LARP1: variants seen among roughly 807,000 people sequenced by gnomAD.
LARP1 encodes the protein La ribonucleoprotein 1, translational regulator.
A neutral mutation model predicts 122.7 loss-of-function variants in LARP1; 36 were observed. The observed-to-expected ratio is 0.29, with a 90% CI of 0.22 to 0.39. The LOEUF (loss-of-function observed/expected upper bound fraction) is 0.39, where lower values mean the gene tolerates loss of function less well. Among genes scored for constraint, LARP1 ranks in the 10% least tolerant of loss-of-function variants. The pLI, the probability that LARP1 is intolerant of heterozygous loss-of-function variation, is 1.00. For missense variants in LARP1, 1,040 were observed against 1,403.6 expected (o/e 0.74, Z 4.14); for synonymous variants, 539 against 528.7 (o/e 1.02, Z -0.27).
intron 1 of LARP1, among the ~76,000 whole-genome samples, chr5:154,715,671 T>C (rs17116390): frequency 0.089 from 13,615 of 152,172 alleles, 800 homozygotes; most frequent in East Asian, 0.25. Context: ...TGTGTGCGAA[T>C]ATTTTTTGAG....
chr5:154,775,743 C>G (rs1755825623), intron 1 of LARP1, among the ~76,000 whole-genome samples: 3 of 152,142 alleles, frequency 2.0e-5, no homozygotes, highest in Admixed American at 2.0e-4. Context: ...GATCTGGAGC[C>G]TTTTGGGGAC....
At chr5:154,777,404 C>T (rs1561592541) in intron 1 of LARP1, among the ~76,000 whole-genome samples, 1 of 151,884 alleles carries the variant, frequency 6.6e-6, no homozygotes, top group Non-Finnish European at 1.5e-5. Flanking sequence ...ACCTGTAATC[C>T]CAGCTACTGG....
intron 1 of LARP1, among the ~76,000 whole-genome samples, chr5:154,760,535 T>TGGG (rs1333986654): frequency 3.9e-5 from 6 of 152,154 alleles, no homozygotes; most frequent in Non-Finnish European, 5.9e-5. Context: ...GTCGATGGCT[T>TGGG]GGGGGTGTAT....
At chr5:154,754,826 G>A (rs1448955336), upstream of LARP1, among the ~76,000 whole-genome samples, 1 of 152,230 alleles carries the variant, frequency 6.6e-6, no homozygotes, top group African/African-American at 2.4e-5. Flanking sequence ...GCCGGGCACA[G>A]GGGAGGGGGC....
At chr5:154,727,385 G>A (rs1179497999) in intron 1 of LARP1, among the ~76,000 whole-genome samples, 1 of 152,172 alleles carries the variant, frequency 6.6e-6, no homozygotes, top group Admixed American at 6.5e-5. Context: ...CAGAAATAAT[G>A]AAAGCCAGAA....
intron 1 of LARP1, among the ~76,000 whole-genome samples, chr5:154,736,601 T>A (rs1159968317): frequency 6.6e-6 from 1 of 150,780 alleles, no homozygotes; most frequent in Non-Finnish European, 1.5e-5. Flanking sequence ...AGTCTCACTC[T>A]GTTGCCCAAG....
chr5:154,710,205 G>A (rs150447564), upstream of LARP1, among the ~76,000 whole-genome samples: 406 of 152,272 alleles, frequency 2.7e-3, 3 homozygotes, highest in African/African-American at 8.7e-3. Flanking sequence ...CATGGCCTGC[G>A]AGTTGGGGAC....
chr5:154,804,912 T>A (rs573056508), intron 14 of LARP1: 176 of 456,234 alleles, frequency 3.9e-4, no homozygotes, highest in Non-Finnish European at 7.1e-4. Flanking sequence ...ATACAATTGA[T>A]CTTTGAACAA....
rs1347793223 is a variant in LARP1, at chr5:154,816,850, AG to A, written c.*2758del. 1 of 152,236 alleles carries A rather than the reference AG, an allele frequency of 6.6e-6. No homozygotes were observed. Among genetic ancestry groups the A allele is most frequent in the African/African-American group, 2.4e-5 (1 of 41,460 alleles). 9.4% of individuals were successfully genotyped at this position (152,236 alleles called of 1,614,324 possible). A position where few individuals can be genotyped will look rare whatever the true frequency, so the allele number is the denominator to read the frequency against. On this transcript the variant is annotated 3_prime_UTR_variant, in exon 19 of 19. Coordinates refer to ENST00000518297, the MANE Select transcript of LARP1 (RefSeq NM_033551.3). ...AGGTCTGTGTGCCTCAGCCCTGTTA[AG>A]GGGCAGGTTTCTCTTTAGCCCTCTT...
At chr5:154,793,516 G>A in intron 4 of LARP1, 79 bp from the exon 5 acceptor site, 1 of 1,584,254 alleles carries the variant, frequency 6.3e-7, no homozygotes. Flanking sequence ...GTCCAGGGCA[G>A]AAGAAGAGGA....
At chr5:154,709,546 T>G (rs1755110623), upstream of LARP1, among the ~76,000 whole-genome samples, 1 of 152,042 alleles carries the variant, frequency 6.6e-6, no homozygotes. Flanking sequence ...CTGAGTCTTC[T>G]GCTCTGTCAT....
At chr5:154,809,421 T>C (rs546343538) in intron 16 of LARP1, among the ~76,000 whole-genome samples, 120 of 138,128 alleles carry the variant, frequency 8.7e-4, no homozygotes, top group Non-Finnish European at 1.4e-3. Flanking sequence ...TTGGAAAAGC[T>C]GATGAAAACA....
Position 154,704,091 on chromosome 5 carries a change from T to A in LARP1, c.-180+21054T>A, listed in dbSNP as rs557944748. ...AGAGAGGCACACATTAAGCAAATGG[T>A]TGCATGTGCAATTATTTAACCCATT... On this transcript the variant is annotated intron_variant, in intron 1 of 18. Coordinates refer to the LARP1 transcript ENST00000687700. Among the ~76,000 whole-genome samples, 382 of 152,202 alleles carry A rather than the reference T, an allele frequency of 2.5e-3. 3 individuals are homozygous for A. Among genetic ancestry groups the A allele is most frequent in the African/African-American group, 8.1e-3 (337 of 41,530 alleles).
rs374462066 is a variant in LARP1 at position 154,725,455 on chromosome 5, T to C, written c.205+12325T>C. 3.0e-3 allele frequency among the ~76,000 whole-genome samples: 432 copies of C among 143,150 alleles called. 3 individuals carry two copies. The highest frequency in any genetic ancestry group is 0.011 in the African/African-American group (412 of 38,216). The allele number at this position is 143,150 out of a possible 152,430, so 93.9% of individuals were successfully genotyped here. A position where few individuals can be genotyped will look rare whatever the true frequency, so the allele number is the denominator to read the frequency against. The stretch of plus-strand genomic sequence containing the variant: ...GTTCCAGCTACTTGGGAGGCTGAGG[T>C]AGAAGGGTTGCTTGAGTTCAGAAGG... On this transcript the variant is annotated intron_variant, in intron 1 of 18. Coordinates refer to the LARP1 transcript ENST00000336314.
At chr5:154,695,851 C>A (rs748016256) in intron 1 of LARP1, among the ~76,000 whole-genome samples, 3 of 151,100 alleles carry the variant, frequency 2.0e-5, no homozygotes, top group Non-Finnish European at 4.4e-5. Context: ...CCAGCCTGGG[C>A]GACAGAGCAA....
At chr5:154,772,939 C>T (rs955104991) in intron 1 of LARP1, among the ~76,000 whole-genome samples, 4 of 151,046 alleles carry the variant, frequency 2.6e-5, no homozygotes, top group African/African-American at 9.7e-5. Flanking sequence ...CACCTGCCTC[C>T]CAAAGTGCTG....
intron 1 of LARP1, among the ~76,000 whole-genome samples, chr5:154,767,785 CA>C (rs1755076688): frequency 6.6e-6 from 1 of 152,050 alleles, no homozygotes; most frequent in Admixed American, 6.6e-5. Flanking sequence ...GAAGAGACAC[CA>C]ATTACATGGA....
chr5:154,813,823 G>A, intron 18 of LARP1, 64 bp from the exon 19 acceptor site: 1 of 1,377,496 alleles, frequency 7.3e-7, no homozygotes, highest in Non-Finnish European at 1.0e-6. Flanking sequence ...GTCTAGACGG[G>A]CCTGGCAAGG....
chr5:154,739,939 C>T (rs1757129587), intron 1 of LARP1, among the ~76,000 whole-genome samples: 1 of 151,952 alleles, frequency 6.6e-6, no homozygotes, highest in Non-Finnish European at 1.5e-5. Flanking sequence ...TGGCTCATGC[C>T]TGTAATCCCA....
Sources: allele counts gnomAD v4.1 joint callset (sites outside exome capture counted in the v4.1 genomes callset), GRCh38; gene constraint gnomAD v4.1.1; transcripts MANE v1.5; gene names NCBI Gene and HGNC (gene_info 2026-07-23, HGNC 2026-07-21).